NEFH: variants seen among roughly 807,000 people sequenced by gnomAD.
NEFH encodes neurofilament heavy polypeptide.
NEFH carries 58 observed loss-of-function variants against 56.6 expected under a neutral mutation model. That is an observed-to-expected ratio of 1.03 (90% CI 0.83 to 1.28). The LOEUF is 1.28. Ranked by LOEUF, NEFH falls within the 50% of genes most tolerant of loss-of-function variation. The pLI is 0.00. For synonymous variants in NEFH, 542 were observed against 545.8 expected, an observed-to-expected ratio of 0.99 and a Z score of 0.10; for missense variants, 1,221 against 1,307.6, an observed-to-expected ratio of 0.93 and a Z score of 1.02.
Position 29,480,646 on chromosome 22 carries a change from G to A in NEFH, c.384G>A (p.Glu128=). 1 of 1,560,144 alleles carries A rather than the reference G, an allele frequency of 6.4e-7. No individual in the cohort carries two copies. Among genetic ancestry groups the A allele is most frequent in the Non-Finnish European group, 8.6e-7 (1 of 1,162,316 alleles). ...CGCACAACCGCAGCCTGGAGGGCGA[G>A]GCTGCGGCGCTGCGGCAGCAGCAGG... ...LEAHNRSLEG[E]AAALRQQQAG... Residue 128 remains glutamate (E), a synonymous_variant, in exon 1 of 4, where the codon GAG becomes GAA. Transcript: ENST00000310624.
At chr22:29,488,713 T>C in intron 3 of NEFH, 136 bp from the exon 4 acceptor site, 1 of 832,746 alleles carries the variant, frequency 1.2e-6, no homozygotes, top group Non-Finnish European at 2.0e-6. Context: ...AGTCTCATAA[T>C]GCCCACCATT....
intron 3 of NEFH, among the ~76,000 whole-genome samples, chr22:29,488,133 C>T (rs529710421): frequency 2.0e-5 from 3 of 152,230 alleles, no homozygotes; most frequent in Admixed American, 6.5e-5. Flanking sequence ...GAGGCCTAGG[C>T]GGGTGGATCG....
intron 3 of NEFH, among the ~76,000 whole-genome samples, chr22:29,486,581 AG>A (rs2063046108): frequency 7.2e-6 from 1 of 139,524 alleles, no homozygotes; most frequent in Non-Finnish European, 1.5e-5. Flanking sequence ...GGAGTGCAGC[AG>A]CATTATCTCG....
At chr22:29,485,673 G>C in intron 2 of NEFH, 50 bp from the exon 3 acceptor site, 1 of 1,598,862 alleles carries the variant, frequency 6.3e-7, no homozygotes, top group Non-Finnish European at 8.5e-7. Flanking sequence ...CTCTGGTACT[G>C]AGGGCCAGAC....
chr22:29,481,829 C>A (rs1367775299), intron 1 of NEFH, among the ~76,000 whole-genome samples: 1 of 152,180 alleles, frequency 6.6e-6, no homozygotes, highest in Admixed American at 6.6e-5. Flanking sequence ...TGCCCCTCCC[C>A]CAACTCCTTG....
chr22:29,484,453 A>G (rs1479491348), intron 2 of NEFH, among the ~76,000 whole-genome samples: 2 of 152,056 alleles, frequency 1.3e-5, no homozygotes, highest in African/African-American at 2.4e-5. Flanking sequence ...CAGCCTGGCC[A>G]ACATGGTGAA....
In NEFH at chr22:29,489,421, C is replaced by T. The variant is rs1399089391; in HGVS notation, c.1781C>T (p.Ser594Leu). Reference protein sequence around the residue: ...AKSPAKEEAKSPAEAKSPEKA... With the variant: ...AKSPAKEEAKLPAEAKSPEKA... Reference sequence around the variant, plus strand: ...TCCCCAGCAAAGGAAGAGGCAAAGTCACCGGCTGAGGCCAAGTCTCCAGAG... The same window carrying T: ...TCCCCAGCAAAGGAAGAGGCAAAGTTACCGGCTGAGGCCAAGTCTCCAGAG... The change falls in exon 4 of 4, where the codon TCA (serine) becomes TTA (leucine). Residue 594 changes from serine to leucine, a missense_variant. Coordinates refer to ENST00000310624, the MANE Select transcript of NEFH (RefSeq NM_021076.4). 2.5e-6 allele frequency: 4 copies of T among 1,613,540 alleles called. No individual in the cohort carries two copies. In the East Asian group the frequency reaches 8.9e-5, roughly 36 times the overall value.
intron 2 of NEFH, among the ~76,000 whole-genome samples, chr22:29,485,333 C>A (rs1455747035): frequency 6.6e-6 from 1 of 152,172 alleles, no homozygotes; most frequent in Non-Finnish European, 1.5e-5. Context: ...AAACTCCTGA[C>A]CTCAAGTGAT....
At position 29,480,547 on chromosome 22, in the gene NEFH, C is replaced by G; in HGVS notation, c.285C>G (p.Arg95=). ...EGCMVAVATS[R]SEKEQLQALN... ...GCATGGTGGCGGTGGCCACCTCACG[C>G]AGTGAGAAGGAGCAGCTGCAGGCGC... Residue 95 remains arginine (R), a synonymous_variant, in exon 1 of 4, where the codon CGC becomes CGG. Coordinates refer to ENST00000310624, the MANE Select transcript of NEFH (RefSeq NM_021076.4). 1 of 1,539,520 alleles carries G rather than the reference C, an allele frequency of 6.5e-7. No individual in the cohort carries two copies. Among genetic ancestry groups the G allele is most frequent in the Non-Finnish European group, 8.7e-7 (1 of 1,149,472 alleles).
chr22:29,488,377 C>T (rs1051024167), intron 3 of NEFH, among the ~76,000 whole-genome samples: 2 of 147,634 alleles, frequency 1.4e-5, no homozygotes, highest in Non-Finnish European at 3.1e-5. Flanking sequence ...AGCAAGACTC[C>T]GTCTCAAAAA....
At chr22:29,483,354 C>T (rs1482031249) in intron 1 of NEFH, 21 bp from the exon 2 acceptor site, 5 of 1,612,522 alleles carry the variant, frequency 3.1e-6, no homozygotes, top group Non-Finnish European at 4.2e-6. Context: ...TAACCCTGTG[C>T]CCTGCTACCT....
intron 3 of NEFH, among the ~76,000 whole-genome samples, chr22:29,488,043 A>G (rs2146398478): frequency 6.6e-6 from 1 of 152,258 alleles, no homozygotes; most frequent in South Asian, 2.1e-4. Flanking sequence ...GGAGCGTTCT[A>G]AGACCTCTTA....
chr22:29,484,945 C>T (rs1465044899), intron 2 of NEFH, among the ~76,000 whole-genome samples: 1 of 152,128 alleles, frequency 6.6e-6, no homozygotes, highest in Non-Finnish European at 1.5e-5. Flanking sequence ...AGTAATCCTC[C>T]TCCCTCAGCT....
Position 29,483,768 on chromosome 22 carries a change from G to GA in NEFH, c.1083+214dup, listed in dbSNP as rs361680. ...TGAATCTGAGTTCCTTTCCAGCCAT[G>GA]AAAAAAAAAAAAAAAAAAAAGCCTG... On this transcript the variant is annotated intron_variant, in intron 2 of 3. Transcript: ENST00000310624. 0.061 allele frequency among the ~76,000 whole-genome samples: 3,459 copies of GA among 56,602 alleles called. 211 individuals are homozygous for GA. The highest frequency in any genetic ancestry group is 0.1 in the African/African-American group (1,897 of 18,686). The allele number at this position is 56,602 out of a possible 152,430, so 37.1% of individuals were successfully genotyped here.
intron 2 of NEFH, 145 bp from the exon 3 acceptor site, chr22:29,485,578 C>T (rs2063039450): frequency 2.1e-6 from 2 of 932,840 alleles, no homozygotes; most frequent in Admixed American, 2.0e-5. Flanking sequence ...TAATGAGGAC[C>T]CTACAGCTCT....
At chr22:29,484,207 C>A (rs2063030501) in intron 2 of NEFH, among the ~76,000 whole-genome samples, 1 of 152,174 alleles carries the variant, frequency 6.6e-6, no homozygotes, top group African/African-American at 2.4e-5. Context: ...TCGGCAAGGT[C>A]TTCAACATTC....
chr22:29,483,351 G>C, intron 1 of NEFH, 24 bp from the exon 2 acceptor site: 2 of 1,612,182 alleles, frequency 1.2e-6, no homozygotes, highest in Non-Finnish European at 1.7e-6. Flanking sequence ...GTCTAACCCT[G>C]TGCCCTGCTA....
Position 29,480,914 on chromosome 22 carries a change from A to T in NEFH, c.652A>T (p.Lys218Ter), listed in dbSNP as rs1848157121. ...EAEAARVDLQ[K>*]KAQALQEECG... is the part of the protein sequence containing the mutation. Reference sequence around the variant, plus strand: ...CGAGGCGGCGCGCGTGGACCTGCAGAAGAAGGCGCAGGCGCTGCAGGAGGA... The same window carrying T: ...CGAGGCGGCGCGCGTGGACCTGCAGTAGAAGGCGCAGGCGCTGCAGGAGGA... The change falls in exon 1 of 4, where the codon AAG (lysine) becomes TAG (stop). Residue 218 changes from lysine to a stop codon, truncating the protein, a stop_gained. Coordinates refer to ENST00000310624, the MANE Select transcript of NEFH (RefSeq NM_021076.4). LOFTEE classifies it high-confidence loss of function. The T allele has an allele frequency of 6.6e-7, 1 of 1,509,258 alleles. No individual in the cohort carries two copies. The highest frequency in any genetic ancestry group is 1.2e-5 in the South Asian group (1 of 81,544). 93.5% of individuals were successfully genotyped at this position (1,509,258 alleles called of 1,614,324 possible). A position where few individuals can be genotyped will look rare whatever the true frequency, so the allele number is the denominator to read the frequency against.
intron 1 of NEFH, among the ~76,000 whole-genome samples, chr22:29,483,035 C>G (rs1167492779): frequency 6.6e-6 from 1 of 152,142 alleles, no homozygotes; most frequent in African/African-American, 2.4e-5. Context: ...AATTCCAGCT[C>G]TTTGGGAGGC....
Sources: allele counts gnomAD v4.1 joint callset (sites outside exome capture counted in the v4.1 genomes callset), GRCh38; gene constraint gnomAD v4.1.1; transcripts MANE v1.5; gene names NCBI Gene and HGNC (gene_info 2026-07-23, HGNC 2026-07-21).